IGF2R: variants seen among roughly 807,000 people sequenced by gnomAD.
The protein encoded by IGF2R is cation-independent mannose-6-phosphate receptor.
IGF2R carries 91 observed loss-of-function variants against 270.6 expected under a neutral mutation model. The ratio of observed to expected loss-of-function variants is 0.34; its 90% CI spans 0.28 to 0.40. The LOEUF (loss-of-function observed/expected upper bound fraction) is 0.40, where lower values mean the gene tolerates loss of function less well. Among genes scored for constraint, IGF2R ranks in the 10% least tolerant of loss-of-function variants. The pLI is 1.00. For missense variants in IGF2R, 2,805 were observed against 3,188.3 expected (o/e 0.88, Z 2.90); for synonymous variants, 1,316 against 1,258.9 (o/e 1.05, Z -0.96).
chr6:160,040,874 TAGA>T, intron 11 of IGF2R, 150 bp downstream of exon 11: 1 of 750,568 alleles, frequency 1.3e-6, no homozygotes, highest in Non-Finnish European at 2.2e-6. Flanking sequence ...TGTGAATTAT[TAGA>T]AGGAGCATTG....
At chr6:160,042,423 A>G (rs186498864) in intron 11 of IGF2R, among the ~76,000 whole-genome samples, 1 of 152,264 alleles carries the variant, frequency 6.6e-6, no homozygotes, top group East Asian at 1.9e-4. Context: ...GTGTATTTTT[A>G]TATCTTTACC....
intron 36 of IGF2R, among the ~76,000 whole-genome samples, chr6:160,077,291 T>G (rs778349677): frequency 2.0e-5 from 3 of 152,206 alleles, no homozygotes; most frequent in Non-Finnish European, 4.4e-5. Context: ...CCTCTGTAGA[T>G]GCACACAGCA....
intron 20 of IGF2R, among the ~76,000 whole-genome samples, chr6:160,057,654 A>G (rs1778343754): frequency 6.6e-6 from 1 of 152,246 alleles, no homozygotes; most frequent in East Asian, 1.9e-4. Context: ...TTAAGGGAAT[A>G]ATTGAGACAG....
intron 10 of IGF2R, among the ~76,000 whole-genome samples, chr6:160,039,298 A>T (rs1262037418): frequency 1.3e-5 from 2 of 152,230 alleles, no homozygotes; most frequent in Non-Finnish European, 2.9e-5. Context: ...ATCTAAATAT[A>T]TCTAAACATA....
rs1219997998 is a variant in IGF2R at position 160,033,051 on chromosome 6, A to G, written c.1155A>G (p.Lys385=). The change falls in exon 9 of 48, where the codon AAA becomes AAG. Residue 385 remains lysine, a synonymous_variant. Coordinates refer to ENST00000356956, the MANE Select transcript of IGF2R (RefSeq NM_000876.4). ...AACAAGCTGCAGTTTGCCAAGTGAA[A>G]AAGAGCGATACCTCTCAAGTCAAAG... is the stretch of plus-strand genomic sequence containing the variant. ...NKKQAAVCQV[K]KSDTSQVKAA... 1.9e-6 allele frequency: 3 copies of G among 1,613,560 alleles called. No homozygotes were observed. The highest frequency in any genetic ancestry group is 2.5e-6 in the Non-Finnish European group (3 of 1,179,440).
At position 160,024,666 on chromosome 6, in the gene IGF2R, C is replaced by T. The variant is rs8191746; in HGVS notation, c.608C>T (p.Pro203Leu). The T allele has an allele frequency of 8.0e-4, 1,289 of 1,614,060 alleles. 8 individuals carry two copies. The African/African-American group carries it at 0.013, about 17-fold the overall frequency. ...GCCTACTTGGTGGATGACTCCGATC[C>T]GGACACTTCTCTATTCATCAATGTT... ...SGAYLVDDSDPDTSLFINVCR... is the reference protein window; with the variant it reads ...SGAYLVDDSDLDTSLFINVCR... Residue 203 changes from proline to leucine, a missense_variant, in exon 5 of 48, where the codon CCG becomes CTG. By Grantham distance (98) the Pro-to-Leu change is moderately conservative. Transcript: ENST00000356956.
In IGF2R at chr6:160,046,717, G is replaced by A. The variant is rs1009071039; in HGVS notation, c.2051+72G>A. The stretch of plus-strand genomic sequence containing the variant: ...AGAAATATTATTTTCAGGAATAGGT[G>A]TGTTCTCACTTAATGTCATTGCTTT... On this transcript the variant is annotated intron_variant, in intron 15 of 47. Coordinates refer to ENST00000356956, the MANE Select transcript of IGF2R (RefSeq NM_000876.4). 7.4e-6 allele frequency: 11 copies of A among 1,478,006 alleles called. No individual in the cohort carries two copies. In the African/African-American group the frequency reaches 9.9e-5, roughly 13 times the overall value. The allele number at this position is 1,478,006 out of a possible 1,614,324, so 91.6% of individuals were successfully genotyped here.
intron 13 of IGF2R, among the ~76,000 whole-genome samples, chr6:160,045,005 G>C (rs756688277): frequency 1.3e-5 from 2 of 152,164 alleles, no homozygotes; most frequent in Non-Finnish European, 2.9e-5. Flanking sequence ...CATTGCCCGT[G>C]ATCTCACCAC....
chr6:160,098,592 G>A (rs963400392), intron 45 of IGF2R, among the ~76,000 whole-genome samples: 4 of 152,156 alleles, frequency 2.6e-5, no homozygotes, highest in Non-Finnish European at 5.9e-5. Flanking sequence ...GCTAAGGTGG[G>A]CGGATCACTT....
At chr6:159,981,768 G>C (rs900361536) in intron 1 of IGF2R, among the ~76,000 whole-genome samples, 2 of 152,132 alleles carry the variant, frequency 1.3e-5, no homozygotes, top group African/African-American at 4.8e-5. Context: ...CTCTATTCCA[G>C]GTGACCTCTG....
Position 160,111,336 on chromosome 6 carries a change from C to A in IGF2R, c.*6252C>A. The A allele has an allele frequency of 6.6e-6, 1 of 151,956 alleles. No individual in the cohort carries two copies. The highest frequency in any genetic ancestry group is 2.0e-4 in the South Asian group (1 of 4,924). The allele number at this position is 151,956 out of a possible 1,614,324, so 9.4% of individuals were successfully genotyped here. A position where few individuals can be genotyped will look rare whatever the true frequency, so the allele number is the denominator to read the frequency against. ...GCACAGCAAGACCAACCCCCCACTTCCTCCTCCTCCTCCTCAGCCTACTCA... is the reference window on the plus strand; with the variant it reads ...GCACAGCAAGACCAACCCCCCACTTACTCCTCCTCCTCCTCAGCCTACTCA... On this transcript the variant is annotated 3_prime_UTR_variant, in exon 48 of 48. Transcript: ENST00000356956.
At chr6:159,999,784 A>C (rs1336142140) in intron 2 of IGF2R, among the ~76,000 whole-genome samples, 1 of 152,218 alleles carries the variant, frequency 6.6e-6, no homozygotes, top group Non-Finnish European at 1.5e-5. Flanking sequence ...CCTTTAGATC[A>C]CATACTGAAA....
At chr6:160,094,246 T>C (rs982931238) in intron 44 of IGF2R, 3 of 325,254 alleles carry the variant, frequency 9.2e-6, no homozygotes, top group South Asian at 2.6e-5. Context: ...TTTATAAATA[T>C]CGTCTTCCTC....
rs1020669723 is a variant in IGF2R, at chr6:160,107,680, C to T, written c.*2596C>T. 1 of 152,100 alleles carries T rather than the reference C, an allele frequency of 6.6e-6. No individual in the cohort carries two copies. Among genetic ancestry groups the T allele is most frequent in the East Asian group, 1.9e-4 (1 of 5,198 alleles). 9.4% of individuals were successfully genotyped at this position (152,100 alleles called of 1,614,324 possible). A position where few individuals can be genotyped will look rare whatever the true frequency, so the allele number is the denominator to read the frequency against. On this transcript the variant is annotated 3_prime_UTR_variant, in exon 48 of 48. Transcript: ENST00000356956. ...GGTGCTAAAGATGGAATAGGCAAAC[C>T]CCACACCAAGGAAATCCACAGTGAA...
chr6:160,033,347 C>T (rs1388691176), intron 9 of IGF2R, among the ~76,000 whole-genome samples: 1 of 152,208 alleles, frequency 6.6e-6, no homozygotes, highest in African/African-American at 2.4e-5. Context: ...ATGTTGCCCA[C>T]GCTGATCTTG....
rs1377597000 is a variant in IGF2R at position 160,010,681 on chromosome 6, T to C, written c.415-6T>C. On this transcript the variant is annotated splice_region_variant and splice_polypyrimidine_tract_variant and intron_variant, in intron 3 of 47. Coordinates refer to ENST00000356956, the MANE Select transcript of IGF2R (RefSeq NM_000876.4). ...TAACATTATAATTACTATTTTTTTT[T>C]AATAGGGAACTCCTGAATTTGTAAC... The C allele has an allele frequency of 2.6e-6, 4 of 1,531,314 alleles. No homozygotes were observed. The highest frequency in any genetic ancestry group is 3.6e-6 in the Non-Finnish European group (4 of 1,105,354). 94.9% of individuals were successfully genotyped at this position (1,531,314 alleles called of 1,614,324 possible).
intron 12 of IGF2R, among the ~76,000 whole-genome samples, chr6:160,044,100 C>G (rs1778011245): frequency 6.6e-6 from 1 of 152,222 alleles, no homozygotes; most frequent in Non-Finnish European, 1.5e-5. Context: ...CACATTCTCA[C>G]CCTTTGGCTG....
chr6:160,084,959 C>T lies in IGF2R; in HGVS notation c.6069-36C>T. 1.9e-6 allele frequency: 3 copies of T among 1,595,128 alleles called. No individual in the cohort carries two copies. The highest frequency in any genetic ancestry group is 2.6e-6 in the Non-Finnish European group (3 of 1,165,300). On this transcript the variant is annotated intron_variant, in intron 40 of 47. Transcript: ENST00000356956. The surrounding 1 kb of genome is among the most constrained non-coding windows in gnomAD (Gnocchi z 4.6). ...TGTGTCAGGGCAGAGACGTCACTTG[C>T]ATGCCTTTTACCTGCCCCTTTGTGT... is the stretch of plus-strand genomic sequence containing the variant.
chr6:160,073,169 C>T lies in IGF2R; in HGVS notation c.4691-44C>T, dbSNP rs561232930. 48 of 1,595,730 alleles carry T rather than the reference C, an allele frequency of 3.0e-5. No individual in the cohort carries two copies. The East Asian group carries it at 8.5e-4, about 28-fold the overall frequency. Reference sequence around the variant, plus strand: ...AAGTTCTCATCAGAAAATTGGCCATCGAGTCTGTGATTGTGTTTTCTCCGC... The same window carrying T: ...AAGTTCTCATCAGAAAATTGGCCATTGAGTCTGTGATTGTGTTTTCTCCGC... On this transcript the variant is annotated intron_variant, in intron 33 of 47. Transcript: ENST00000356956.
Sources: allele counts gnomAD v4.1 joint callset (sites outside exome capture counted in the v4.1 genomes callset), GRCh38; gene constraint gnomAD v4.1.1; non-coding constraint Gnocchi (gnomAD v3.1); transcripts MANE v1.5; gene names NCBI Gene and HGNC (gene_info 2026-07-23, HGNC 2026-07-21).